Variants in PLCB1 observed in about 807,000 individuals in gnomAD.
PLCB1 encodes 1-phosphatidylinositol 4,5-bisphosphate phosphodiesterase beta-1.
PLCB1 carries 46 observed loss-of-function variants against 161.8 expected under a neutral mutation model. The ratio of observed to expected loss-of-function variants is 0.28; its 90% CI spans 0.22 to 0.36. The LOEUF is 0.36. PLCB1 is among the 10% of genes least tolerant of loss of function. The probability of loss-of-function intolerance (pLI) is 1.00; values close to 1 mark genes in which losing one functional copy is unlikely to be tolerated. For synonymous variants in PLCB1, 517 were observed against 503.7 expected, an observed-to-expected ratio of 1.03 and a Z score of -0.35; for missense variants, 1,016 against 1,472.5, an observed-to-expected ratio of 0.69 and a Z score of 5.07.
chr20:8,851,193 C>T (rs1986873402), intron 31 of PLCB1, among the ~76,000 whole-genome samples: 1 of 152,166 alleles, frequency 6.6e-6, no homozygotes, highest in East Asian at 1.9e-4. Flanking sequence ...GATTAGATGA[C>T]CTTGTGTGCT....
rs61429429 is a variant in PLCB1 at position 8,458,655 on chromosome 20, G to A, written c.246+87205G>A. 0.019 allele frequency among the ~76,000 whole-genome samples: 2,963 copies of A among 152,112 alleles called. 94 individuals carry two copies. The highest frequency in any genetic ancestry group is 0.068 in the African/African-American group (2,804 of 41,480). ...CAATTTTTCAAAATCCATTTTTATCGCATATTCAATTTGGCCTGCTTACCT... is the reference window on the plus strand; with the variant it reads ...CAATTTTTCAAAATCCATTTTTATCACATATTCAATTTGGCCTGCTTACCT... On this transcript the variant is annotated intron_variant, in intron 3 of 31. Transcript: ENST00000338037.
chr20:8,613,733 A>C (rs779810454), intron 3 of PLCB1, among the ~76,000 whole-genome samples: 4 of 152,182 alleles, frequency 2.6e-5, no homozygotes, highest in Non-Finnish European at 5.9e-5. Flanking sequence ...GTAAGCATTT[A>C]TAAAGTATAT....
intron 3 of PLCB1, among the ~76,000 whole-genome samples, chr20:8,569,438 A>G (rs1035006668): frequency 5.9e-5 from 9 of 152,202 alleles, no homozygotes; most frequent in Admixed American, 6.5e-5. Context: ...ATAAAGCCTA[A>G]TATGGCAGGG....
At chr20:8,364,018 C>T (rs1047533528) in intron 2 of PLCB1, among the ~76,000 whole-genome samples, 1 of 152,076 alleles carries the variant, frequency 6.6e-6, no homozygotes, top group Non-Finnish European at 1.5e-5. Flanking sequence ...GACTTTGCCA[C>T]CTTTAGTGTG....
At chr20:8,533,739 A>G (rs1984925472) in intron 3 of PLCB1, among the ~76,000 whole-genome samples, 2 of 150,714 alleles carry the variant, frequency 1.3e-5, no homozygotes, top group South Asian at 2.1e-4. Context: ...AATTTGTTTG[A>G]GTTCATTGTA....
chr20:8,801,095 C>CT (rs1021055506), intron 31 of PLCB1, among the ~76,000 whole-genome samples: 2 of 152,162 alleles, frequency 1.3e-5, no homozygotes, highest in African/African-American at 4.8e-5. Flanking sequence ...CCAATACAGT[C>CT]TAACTCCACT....
chr20:8,501,117 G>A (rs538037468), intron 3 of PLCB1, among the ~76,000 whole-genome samples: 9 of 152,250 alleles, frequency 5.9e-5, no homozygotes, highest in East Asian at 1.9e-4. Flanking sequence ...CAAGAGGCAC[G>A]CACTGTGGAT....
chr20:8,511,232 T>C (rs992890429), intron 3 of PLCB1, among the ~76,000 whole-genome samples: 2 of 152,222 alleles, frequency 1.3e-5, no homozygotes, highest in African/African-American at 2.4e-5. Context: ...TTTACTTATC[T>C]TTCTCTACCT....
At chr20:8,441,167 G>A (rs796580341) in intron 3 of PLCB1, among the ~76,000 whole-genome samples, 6 of 152,138 alleles carry the variant, frequency 3.9e-5, no homozygotes, top group African/African-American at 7.2e-5. Context: ...GAATTAAATC[G>A]TTGTTTCTAA....
intron 3 of PLCB1, among the ~76,000 whole-genome samples, chr20:8,532,388 A>T (rs1193866279): frequency 6.6e-6 from 1 of 152,162 alleles, no homozygotes; most frequent in African/African-American, 2.4e-5. Flanking sequence ...TCTTCCACAC[A>T]TATGGTTTAT....
chr20:8,419,265 G>A (rs904701685), intron 3 of PLCB1, among the ~76,000 whole-genome samples: 1 of 152,074 alleles, frequency 6.6e-6, no homozygotes, highest in Non-Finnish European at 1.5e-5. Flanking sequence ...ACTTTTATAG[G>A]GGATTTACAT....
intron 2 of PLCB1, among the ~76,000 whole-genome samples, chr20:8,277,745 A>G (rs1982654281): frequency 6.6e-6 from 1 of 152,192 alleles, no homozygotes; most frequent in African/African-American, 2.4e-5. Flanking sequence ...AAAGGCCTTT[A>G]AACATATGAG....
chr20:8,544,736 A>G (rs1245730153), intron 3 of PLCB1, among the ~76,000 whole-genome samples: 1 of 152,222 alleles, frequency 6.6e-6, no homozygotes, highest in South Asian at 2.1e-4. Flanking sequence ...CCTGATGTGC[A>G]TGTGAAACTG....
intron 3 of PLCB1, among the ~76,000 whole-genome samples, chr20:8,607,003 A>G (rs1160208686): frequency 2.4e-4 from 37 of 152,178 alleles, no homozygotes; most frequent in Admixed American, 2.4e-3. Context: ...GATGGTTCCC[A>G]ATTCTAAATC....
intron 3 of PLCB1, among the ~76,000 whole-genome samples, chr20:8,471,351 C>A (rs1271086600): frequency 6.6e-6 from 1 of 152,068 alleles, no homozygotes; most frequent in Non-Finnish European, 1.5e-5. Context: ...CTAATCATTT[C>A]TTTTGGGACT....
intron 2 of PLCB1, among the ~76,000 whole-genome samples, chr20:8,173,395 C>A (rs2051752115): frequency 6.6e-6 from 1 of 151,912 alleles, no homozygotes. Context: ...CTCTGGAAGC[C>A]CCTCTCATAT....
intron 10 of PLCB1, among the ~76,000 whole-genome samples, chr20:8,695,081 T>C (rs1990556525): frequency 6.6e-6 from 1 of 152,208 alleles, no homozygotes; most frequent in Non-Finnish European, 1.5e-5. Flanking sequence ...ATCAGGAAGT[T>C]TCTAGATCAT....
chr20:8,133,720 G>C (rs574474375), intron 1 of PLCB1, among the ~76,000 whole-genome samples: 1 of 152,126 alleles, frequency 6.6e-6, no homozygotes, highest in Non-Finnish European at 1.5e-5. Context: ...CTAAAGGTTC[G>C]ATAAGAAAAA....
rs112648668 is a variant in PLCB1 at position 8,568,577 on chromosome 20, GT to G, written c.247-59713del. Among the ~76,000 whole-genome samples, 599 of 152,200 alleles carry G rather than the reference GT, an allele frequency of 3.9e-3. 3 individuals carry two copies. The highest frequency in any genetic ancestry group is 0.013 in the African/African-American group (555 of 41,528). ...ATTTTTGCTCCCTTTTATTGAAAGT[GT>G]TTTAAGAGTTTTAAAAGACCAGTGT... On this transcript the variant is annotated intron_variant, in intron 3 of 31. Transcript: ENST00000338037.
Sources: allele counts gnomAD v4.1 joint callset (sites outside exome capture counted in the v4.1 genomes callset), GRCh38; gene constraint gnomAD v4.1.1; transcripts MANE v1.5; gene names NCBI Gene and HGNC (gene_info 2026-07-23, HGNC 2026-07-21).